Variants in ITPR2 observed in about 807,000 individuals in gnomAD.
ITPR2 encodes the protein inositol 1,4,5-trisphosphate receptor type 2, also known as inositol 1,4,5-trisphosphate-gated calcium channel ITPR2.
In ITPR2, 207 loss-of-function variants were observed where a neutral mutation model predicts 317.1. That is an observed-to-expected ratio of 0.65 (90% CI 0.58 to 0.73). ITPR2 has a LOEUF of 0.73. Among genes scored for constraint, ITPR2 ranks in the 30% least tolerant of loss-of-function variants. The pLI, the probability that ITPR2 is intolerant of heterozygous loss-of-function variation, is 0.00. For synonymous variants in ITPR2, 1,156 were observed against 1,149.1 expected (o/e 1.01, Z -0.12); for missense variants, 2,613 against 3,284.0 (o/e 0.80, Z 4.99).
At chr12:26,361,906 T>G (rs1418040498) in intron 55 of ITPR2, among the ~76,000 whole-genome samples, 1 of 152,240 alleles carries the variant, frequency 6.6e-6, no homozygotes, top group African/African-American at 2.4e-5. Flanking sequence ...TCAAATTTTG[T>G]AGAATGATAG....
chr12:26,768,571 T>TAAA (rs879291062), intron 2 of ITPR2, among the ~76,000 whole-genome samples: 1,766 of 95,744 alleles, frequency 0.018, 244 homozygotes, highest in African/African-American at 0.034. Context: ...CAAATATATA[T>TAAA]AAAAAAAAAA....
At chr12:26,426,712 A>G (rs867376746) in intron 49 of ITPR2, among the ~76,000 whole-genome samples, 12 of 152,128 alleles carry the variant, frequency 7.9e-5, no homozygotes, top group Non-Finnish European at 1.5e-4. Flanking sequence ...TTTTCGAAGA[A>G]TTGTAATAAA....
chr12:26,677,836 T>C (rs961801064), intron 13 of ITPR2, among the ~76,000 whole-genome samples: 1 of 151,964 alleles, frequency 6.6e-6, no homozygotes, highest in Non-Finnish European at 1.5e-5. Flanking sequence ...ACCTGGCAAA[T>C]AAAATTTAAG....
rs576115521 is a variant in ITPR2, at chr12:26,691,528, C to T, written c.996+4078G>A. Among the ~76,000 whole-genome samples, 12 of 152,150 alleles carry T rather than the reference C, an allele frequency of 7.9e-5. No homozygotes were observed. The East Asian group carries it at 1.2e-3, about 15-fold the overall frequency. On this transcript the variant is annotated intron_variant, in intron 10 of 56. Transcript: ENST00000381340. ...CTGGTCTACTGAGCTCTTAATCAAA[C>T]GAGCATTTTTCACTCAGAAAGAAAG...
intron 30 of ITPR2, among the ~76,000 whole-genome samples, chr12:26,598,314 C>T (rs1945901441): frequency 6.6e-6 from 1 of 152,144 alleles, no homozygotes; most frequent in Non-Finnish European, 1.5e-5. Context: ...AGGAGGGACT[C>T]CTTGAATCAT....
intron 11 of ITPR2, among the ~76,000 whole-genome samples, chr12:26,683,084 C>T (rs12820334): frequency 1.3e-5 from 2 of 152,278 alleles, no homozygotes; most frequent in African/African-American, 2.4e-5. Flanking sequence ...TGCTGGCAGA[C>T]AGTAGTGTAG....
chr12:26,456,002 G>T (rs1349561519), intron 45 of ITPR2, among the ~76,000 whole-genome samples: 1 of 152,154 alleles, frequency 6.6e-6, no homozygotes, highest in African/African-American at 2.4e-5. Flanking sequence ...AAGCCATCAT[G>T]AGCTAAATAC....
At chr12:26,381,345 C>A (rs1191320118) in intron 55 of ITPR2, among the ~76,000 whole-genome samples, 1 of 152,146 alleles carries the variant, frequency 6.6e-6, no homozygotes, top group Non-Finnish European at 1.5e-5. Flanking sequence ...TAAAAAGAAA[C>A]CATTCATTTA....
At chr12:26,426,695 T>C (rs896840743) in intron 49 of ITPR2, among the ~76,000 whole-genome samples, 5 of 152,112 alleles carry the variant, frequency 3.3e-5, no homozygotes, top group Non-Finnish European at 1.5e-5. Flanking sequence ...AAATACATCA[T>C]GTCTAATTTT....
chr12:26,495,258 A>G lies in ITPR2; in HGVS notation c.5076T>C (p.Gly1692=). 1 of 1,513,698 alleles carries G rather than the reference A, an allele frequency of 6.6e-7. No homozygotes were observed. The highest frequency in any genetic ancestry group is 9.2e-7 in the Non-Finnish European group (1 of 1,092,108). 93.8% of individuals were successfully genotyped at this position (1,513,698 alleles called of 1,614,324 possible). ...LEKKDSFVEE[G]NTLRKILLNR... ...TCAGAAGTATCTTTCTTAATGTGTT[A>G]CCCTAATAAGAAGGATAACAAAGAG... is the stretch of plus-strand genomic sequence containing the variant. Residue 1692 remains glycine (G), a splice_region_variant and synonymous_variant, in exon 38 of 57, where the codon GGT becomes GGC. Coordinates refer to ENST00000381340, the MANE Select transcript of ITPR2 (RefSeq NM_002223.4).
At chr12:26,790,424 A>G (rs1348110585) in intron 1 of ITPR2, among the ~76,000 whole-genome samples, 197 bp from the exon 2 acceptor site, 1 of 152,224 alleles carries the variant, frequency 6.6e-6, no homozygotes, top group Non-Finnish European at 1.5e-5. Flanking sequence ...AAATTGAAAC[A>G]TTGGAAACAT....
chr12:26,676,844 T>A (rs1425299760), intron 13 of ITPR2, among the ~76,000 whole-genome samples: 2 of 152,126 alleles, frequency 1.3e-5, no homozygotes, highest in Non-Finnish European at 2.9e-5. Context: ...AAACAAAAGG[T>A]GGTGCATCAT....
At chr12:26,492,592 G>T (rs193208549) in intron 39 of ITPR2, among the ~76,000 whole-genome samples, 240 of 152,180 alleles carry the variant, frequency 1.6e-3, no homozygotes, top group Middle Eastern at 3.4e-3. Context: ...ATAGTATTCT[G>T]TCATGTTTAT....
intron 45 of ITPR2, among the ~76,000 whole-genome samples, chr12:26,464,982 C>T (rs933381624): frequency 6.6e-6 from 1 of 152,114 alleles, no homozygotes; most frequent in African/African-American, 2.4e-5. Flanking sequence ...CCTGAGCAAG[C>T]AGTTGGAGGA....
In ITPR2 at chr12:26,524,469, A is replaced by G. The variant is rs553559184; in HGVS notation, c.5073+25778T>C. On this transcript the variant is annotated intron_variant, in intron 37 of 56. Coordinates refer to ENST00000381340, the MANE Select transcript of ITPR2 (RefSeq NM_002223.4). ...AAATAATGAACCATTATATTTGTAT[A>G]TAAATATTTACCCTTGCCTTATTAT... is the stretch of plus-strand genomic sequence containing the variant. Among the ~76,000 whole-genome samples, 3 of 152,344 alleles carry G rather than the reference A, an allele frequency of 2.0e-5. No individual in the cohort carries two copies. The South Asian group carries it at 6.2e-4, about 32-fold the overall frequency.
rs768147519 is a variant in ITPR2 at position 26,599,169 on chromosome 12, T to A, written c.3978A>T (p.Lys1326Asn). The change falls in exon 30 of 57, where the codon AAA becomes AAT. Residue 1326 changes from lysine to asparagine, a missense_variant. Lys to Asn is a moderately conservative substitution (Grantham distance 94). This residue lies in a region of ITPR2 where 817 missense variants were observed against 897.6 expected (regional missense o/e 0.91). Coordinates refer to ENST00000381340, the MANE Select transcript of ITPR2 (RefSeq NM_002223.4). ...CCTCTGTCATTACCATATCCTGGCA[T>A]TTCTTCACATATTTACCATCTGCTT... ...IVKADGKYVK[K>N]CQDMVMTELI... 2 of 1,614,088 alleles carry A rather than the reference T, an allele frequency of 1.2e-6. No homozygotes were observed. The highest frequency in any genetic ancestry group is 2.2e-5 in the East Asian group (1 of 44,874).
chr12:26,586,318 T>G (rs1416795608), intron 32 of ITPR2, among the ~76,000 whole-genome samples: 1 of 152,130 alleles, frequency 6.6e-6, no homozygotes, highest in Non-Finnish European at 1.5e-5. Context: ...CTTATTTTTT[T>G]GTAGAGACAG....
chr12:26,534,122 T>C (rs1944019956), intron 37 of ITPR2, among the ~76,000 whole-genome samples: 1 of 152,212 alleles, frequency 6.6e-6, no homozygotes, highest in Non-Finnish European at 1.5e-5. Context: ...TCAGTGGCCT[T>C]CCAGAAGTAG....
intron 32 of ITPR2, among the ~76,000 whole-genome samples, chr12:26,588,993 A>G (rs1318733349): frequency 3.9e-5 from 6 of 152,190 alleles, no homozygotes; most frequent in African/African-American, 1.2e-4. Context: ...CCTTCTAATA[A>G]TGACTCAAAT....
Sources: allele counts gnomAD v4.1 joint callset (sites outside exome capture counted in the v4.1 genomes callset), GRCh38; gene constraint gnomAD v4.1.1; regional missense constraint gnomAD v4.1.1; transcripts MANE v1.5; gene names NCBI Gene and HGNC (gene_info 2026-07-23, HGNC 2026-07-21).